Variants in OR56A3 observed in about 807,000 individuals in gnomAD.
The protein encoded by OR56A3 is olfactory receptor family 56 subfamily A member 3.
OR56A3 carries 23 observed loss-of-function variants against 17.5 expected under a neutral mutation model. The ratio of observed to expected loss-of-function variants is 1.32; its 90% confidence interval spans 0.95 to 1.87. The LOEUF (loss-of-function observed/expected upper bound fraction) is 1.87. Among genes scored for constraint, OR56A3 ranks in the 40% most tolerant of loss-of-function variants. The pLI, the probability that OR56A3 is intolerant of heterozygous loss-of-function variation, is 0.00. For missense variants in OR56A3, 366 were observed against 380.1 expected, an observed-to-expected ratio of 0.96 and a Z score of 0.31; for synonymous variants, 175 against 150.6, an observed-to-expected ratio of 1.16 and a Z score of -1.19.
Position 5,949,641 on chromosome 11 carries a change from A to T in OR56A3, c.*1347A>T, listed in dbSNP as rs770126436. ...ACCATACAAGGAAAATTTCTCAAGT[A>T]TCAAATACCAAGACTGTCCCAAATG... On this transcript the variant is annotated 3_prime_UTR_variant, in exon 3 of 3. Coordinates refer to ENST00000641160, the MANE Select transcript of OR56A3 (RefSeq NM_001003443.3). The T allele has an allele frequency of 6.6e-6, 1 of 152,194 alleles. No individual in the cohort carries two copies. The highest frequency in any genetic ancestry group is 1.5e-5 in the Non-Finnish European group (1 of 68,028). 9.4% of individuals were successfully genotyped at this position (152,194 alleles called of 1,614,324 possible).
At chr11:6,015,429 C>T in the OR56A3 span, among the ~76,000 whole-genome samples, 1 of 152,218 alleles carries the variant, frequency 6.6e-6, no homozygotes, top group Non-Finnish European at 1.5e-5. Flanking sequence ...GAGCCTCGCA[C>T]AGTTCCCACT....
chr11:5,967,568 C>T, the OR56A3 span: 28 of 1,590,714 alleles, frequency 1.8e-5, no homozygotes, highest in South Asian at 3.2e-4. Context: ...ACCTCCTCAG[C>T]AGGTTCTGGA....
intron 2 of OR56A3, 85 bp from the exon 3 acceptor site, chr11:5,947,226 A>C (rs1209298461): frequency 2.1e-6 from 2 of 932,142 alleles, no homozygotes; most frequent in African/African-American, 1.7e-5. Flanking sequence ...CCTGCTAGAA[A>C]CCACAAGTTG....
At chr11:5,945,128 A>T (rs1159870777) in intron 2 of OR56A3, 46 bp downstream of exon 2, 2 of 152,252 alleles carry the variant, frequency 1.3e-5, no homozygotes. Context: ...TGGAGTTCAC[A>T]GTTTAATTAT....
the OR56A3 span, chr11:5,968,016 A>T: frequency 3.1e-6 from 5 of 1,595,176 alleles, no homozygotes; most frequent in Non-Finnish European, 4.3e-6. Context: ...GGGGATAGGC[A>T]TAGTAAGAAG....
At chr11:6,013,228 C>T in the OR56A3 span, among the ~76,000 whole-genome samples, 1 of 152,234 alleles carries the variant, frequency 6.6e-6, no homozygotes, top group African/African-American at 2.4e-5. Context: ...CAGCCACATC[C>T]CCTCACAGCC....
At chr11:5,967,504 T>C in the OR56A3 span, 1 of 1,276,930 alleles carries the variant, frequency 7.8e-7, no homozygotes, top group South Asian at 1.5e-5. Context: ...ACAATTATTC[T>C]CCAATATCAA....
chr11:6,017,621 G>A, the OR56A3 span, among the ~76,000 whole-genome samples: 3 of 152,108 alleles, frequency 2.0e-5, no homozygotes, highest in Admixed American at 6.5e-5. Context: ...TTCGACATGA[G>A]ATTTGGGTGG....
At chr11:6,014,012 A>G in the OR56A3 span, among the ~76,000 whole-genome samples, 1 of 152,170 alleles carries the variant, frequency 6.6e-6, no homozygotes, top group Non-Finnish European at 1.5e-5. Flanking sequence ...CCAGTACCCA[A>G]ACAAGCTGCC....
chr11:5,999,093 T>C, the OR56A3 span, among the ~76,000 whole-genome samples: 1 of 152,200 alleles, frequency 6.6e-6, no homozygotes, highest in Admixed American at 6.5e-5. Flanking sequence ...AAATAGGCTA[T>C]GTTCAACTAA....
At chr11:5,968,369 C>T in the OR56A3 span, 2 of 1,613,810 alleles carry the variant, frequency 1.2e-6, no homozygotes, top group Non-Finnish European at 1.7e-6. Flanking sequence ...CATTGGCCCC[C>T]ATGGCCAGGA....
chr11:5,978,349 G>A, the OR56A3 span, among the ~76,000 whole-genome samples: 4 of 152,084 alleles, frequency 2.6e-5, no homozygotes, highest in Non-Finnish European at 5.9e-5. Context: ...AGCATGGAAT[G>A]TTTTCCCATT....
At chr11:5,957,335 T>C in the OR56A3 span, among the ~76,000 whole-genome samples, 1 of 152,232 alleles carries the variant, frequency 6.6e-6, no homozygotes, top group Non-Finnish European at 1.5e-5. Context: ...CCATGTGTCA[T>C]TCTATTCTCC....
chr11:5,967,882 T>G, the OR56A3 span: 2 of 1,581,224 alleles, frequency 1.3e-6, no homozygotes, highest in Non-Finnish European at 1.7e-6. Flanking sequence ...GTCCAACCTA[T>G]AACAAACTGG....
chr11:5,978,679 C>G, the OR56A3 span, among the ~76,000 whole-genome samples: 1 of 151,996 alleles, frequency 6.6e-6, no homozygotes, highest in African/African-American at 2.4e-5. Flanking sequence ...AGTTTGACTT[C>G]CTCTCTTCCT....
the OR56A3 span, chr11:6,002,526 G>C: frequency 2.5e-6 from 4 of 1,614,182 alleles, no homozygotes; most frequent in Non-Finnish European, 2.5e-6. Context: ...AGAAACAAAG[G>C]CATTCCGGGC....
At chr11:5,984,630 G>C in the OR56A3 span, among the ~76,000 whole-genome samples, 8 of 152,162 alleles carry the variant, frequency 5.3e-5, no homozygotes, top group Non-Finnish European at 1.2e-4. Flanking sequence ...AAGCTGATTA[G>C]AATGTGCAAT....
the OR56A3 span, chr11:5,986,927 T>C: frequency 6.2e-7 from 1 of 1,611,646 alleles, no homozygotes; most frequent in South Asian, 1.1e-5. Context: ...GAAACCAAAG[T>C]CATGATTTCT....
At chr11:5,967,957 A>C in the OR56A3 span, 1 of 1,594,444 alleles carries the variant, frequency 6.3e-7, no homozygotes, top group Admixed American at 1.8e-5. Flanking sequence ...GTACAGATGC[A>C]GTTCTTGATG....
Sources: gnomAD v4.1 joint callset for allele counts (sites outside exome capture counted in the v4.1 genomes callset) on GRCh38, gnomAD v4.1.1 for gene constraint, MANE v1.5 for transcripts, NCBI Gene and HGNC (gene_info 2026-07-23, HGNC 2026-07-21) for gene names.